Variants in CSMD1 observed in about 807,000 individuals in gnomAD.
CSMD1 encodes CUB and sushi domain-containing protein 1.
A neutral mutation model predicts 417.5 loss-of-function variants in CSMD1; 213 were observed. That is an observed-to-expected ratio of 0.51 (90% CI 0.46 to 0.57). The LOEUF (loss-of-function observed/expected upper bound fraction) is 0.57, where lower values mean the gene tolerates loss of function less well. CSMD1 is among the 20% of genes least tolerant of loss of function. The pLI is 0.00. For missense variants in CSMD1, 6,923 were observed against 4,529.7 expected (o/e 1.53, Z -15.17); for synonymous variants, 2,862 against 1,736.8 (o/e 1.65, Z -16.11).
chr8:3,969,837 T>G (rs7845463), intron 5 of CSMD1, among the ~76,000 whole-genome samples: 38,551 of 152,072 alleles, frequency 0.25, 5,122 homozygotes, highest in South Asian at 0.44. Flanking sequence ...AAATGAAGTA[T>G]CCATCTATAA....
chr8:2,977,807 C>T (rs760968098), intron 55 of CSMD1, among the ~76,000 whole-genome samples: 30 of 151,916 alleles, frequency 2.0e-4, no homozygotes, highest in Non-Finnish European at 4.4e-5. Flanking sequence ...TTTATGTGGC[C>T]AATAAACATA....
intron 28 of CSMD1, among the ~76,000 whole-genome samples, chr8:3,221,249 A>T (rs1322330719): frequency 6.6e-6 from 1 of 152,186 alleles, no homozygotes; most frequent in Non-Finnish European, 1.5e-5. Context: ...CACATCCTGA[A>T]TATACTTATT....
chr8:4,967,212 G>C (rs181656123), intron 1 of CSMD1, among the ~76,000 whole-genome samples: 3 of 152,204 alleles, frequency 2.0e-5, no homozygotes, highest in Admixed American at 6.5e-5. Flanking sequence ...GCAAAGAAGA[G>C]CACAGCAGTA....
chr8:3,530,886 C>G (rs538476950), intron 10 of CSMD1, among the ~76,000 whole-genome samples: 4 of 150,478 alleles, frequency 2.7e-5, no homozygotes, highest in South Asian at 4.2e-4. Context: ...AAGATGGAGT[C>G]TCATTCTGTC....
chr8:3,098,218 T>C (rs1815468467), intron 46 of CSMD1, among the ~76,000 whole-genome samples: 1 of 152,212 alleles, frequency 6.6e-6, no homozygotes, highest in South Asian at 2.1e-4. Context: ...GTTAATCACC[T>C]TTTCCTTAAT....
At position 4,980,031 on chromosome 8, in the gene CSMD1, C is replaced by T. The variant is rs1251068205; in HGVS notation, c.85+14301G>A. Among the ~76,000 whole-genome samples, 8 of 152,042 alleles carry T rather than the reference C, an allele frequency of 5.3e-5. No homozygotes were observed. The East Asian group carries it at 1.2e-3, about 22-fold the overall frequency. On this transcript the variant is annotated intron_variant, in intron 1 of 69. Transcript: ENST00000635120. ...CAGCCTGGGCGACAGAGTGAGACTCCATCCCAAAAAATAAATAAATAAATA... is the reference window on the plus strand; with the variant it reads ...CAGCCTGGGCGACAGAGTGAGACTCTATCCCAAAAAATAAATAAATAAATA...
intron 2 of CSMD1, among the ~76,000 whole-genome samples, chr8:4,522,790 G>C (rs1234503558): frequency 6.6e-6 from 1 of 152,108 alleles, no homozygotes; most frequent in Non-Finnish European, 1.5e-5. Context: ...GCAGTGATGT[G>C]GCAAGGACTG....
chr8:3,735,408 T>A (rs1355114779), intron 6 of CSMD1, among the ~76,000 whole-genome samples: 1 of 152,150 alleles, frequency 6.6e-6, no homozygotes, highest in African/African-American at 2.4e-5. Flanking sequence ...ATTTACAAAA[T>A]CCTTAGATGA....
intron 1 of CSMD1, among the ~76,000 whole-genome samples, chr8:4,901,048 C>A (rs1804837818): frequency 6.6e-6 from 1 of 152,182 alleles, no homozygotes; most frequent in Non-Finnish European, 1.5e-5. Flanking sequence ...AAACTATTGT[C>A]AAAAGGAGAT....
chr8:4,022,146 A>T (rs1257979735), intron 4 of CSMD1, among the ~76,000 whole-genome samples: 2 of 142,828 alleles, frequency 1.4e-5, no homozygotes, highest in African/African-American at 5.3e-5. Context: ...AAATATGTAT[A>T]TATTTGTATA....
chr8:4,604,410 T>TGC (rs148463995), intron 2 of CSMD1, among the ~76,000 whole-genome samples: 236 of 146,222 alleles, frequency 1.6e-3, no homozygotes, highest in African/African-American at 5.6e-3. Context: ...TGTGTGTGTG[T>TGC]GCGCGTGCGT....
At chr8:4,073,197 C>T (rs979217509) in intron 3 of CSMD1, among the ~76,000 whole-genome samples, 1 of 151,692 alleles carries the variant, frequency 6.6e-6, no homozygotes, top group Non-Finnish European at 1.5e-5. Context: ...AAAGAACGCT[C>T]ACAACAATAA....
chr8:4,454,621 A>T (rs1799358961), intron 2 of CSMD1, among the ~76,000 whole-genome samples: 1 of 152,210 alleles, frequency 6.6e-6, no homozygotes, highest in South Asian at 2.1e-4. Context: ...TAGCAGAAGG[A>T]AGCTGATAAA....
At chr8:3,509,631 G>C (rs994206025) in intron 10 of CSMD1, among the ~76,000 whole-genome samples, 12 of 152,060 alleles carry the variant, frequency 7.9e-5, no homozygotes, top group Admixed American at 5.2e-4. Context: ...TCTGGGAAAG[G>C]GAAGAAGCTA....
At chr8:3,782,965 G>A (rs369673354) in intron 5 of CSMD1, among the ~76,000 whole-genome samples, 1 of 152,128 alleles carries the variant, frequency 6.6e-6, no homozygotes, top group African/African-American at 2.4e-5. Context: ...CAAATTGTAG[G>A]TACAGGATTG....
chr8:3,637,371 G>T (rs914359244), intron 7 of CSMD1, among the ~76,000 whole-genome samples: 5 of 152,048 alleles, frequency 3.3e-5, no homozygotes, highest in Admixed American at 6.5e-5. Context: ...GCAACATAAA[G>T]ACCTGAATTC....
intron 15 of CSMD1, among the ~76,000 whole-genome samples, chr8:3,405,669 A>C (rs1812302274): frequency 6.6e-6 from 1 of 152,178 alleles, no homozygotes; most frequent in Non-Finnish European, 1.5e-5. Context: ...ATTTAGACAC[A>C]GGGACAGACA....
At chr8:4,514,391 G>T (rs913444099) in intron 2 of CSMD1, among the ~76,000 whole-genome samples, 1 of 152,104 alleles carries the variant, frequency 6.6e-6, no homozygotes, top group South Asian at 2.1e-4. Context: ...GGGGACACAG[G>T]CAGTCCACAA....
At chr8:4,252,062 C>A (rs2128831858) in intron 3 of CSMD1, among the ~76,000 whole-genome samples, 1 of 152,188 alleles carries the variant, frequency 6.6e-6, no homozygotes, top group Non-Finnish European at 1.5e-5. Flanking sequence ...GAAGATCATT[C>A]CCAGAAATTA....
Sources: allele counts gnomAD v4.1 joint callset (sites outside exome capture counted in the v4.1 genomes callset), GRCh38; gene constraint gnomAD v4.1.1; transcripts MANE v1.5; gene names NCBI Gene and HGNC (gene_info 2026-07-23, HGNC 2026-07-21).